The following MYBPC1 variants were observed in gnomAD, a reference collection of about 807,000 sequenced individuals.
The protein encoded by MYBPC1 is myosin-binding protein C, slow-type.
In MYBPC1, 52 loss-of-function variants were observed where a neutral mutation model predicts 147.1. The observed-to-expected ratio is 0.35, with a 90% CI of 0.28 to 0.45. The LOEUF (loss-of-function observed/expected upper bound fraction) is 0.45. MYBPC1 is among the 20% of genes least tolerant of loss of function. MYBPC1 has a pLI of 1.00. For synonymous variants in MYBPC1, 477 were observed against 475.9 expected (o/e 1.00, Z -0.03); for missense variants, 1,228 against 1,440.3 (o/e 0.85, Z 2.39).
intron 14 of MYBPC1, 137 bp downstream of exon 14, chr12:101,648,287 T>C (rs1279199781): frequency 4.8e-6 from 3 of 623,900 alleles, no homozygotes; most frequent in Non-Finnish European, 8.6e-6. Flanking sequence ...GTAGAGATGA[T>C]AAATAAAAGT....
chr12:101,646,881 G>C lies in MYBPC1; in HGVS notation c.1084G>C (p.Val362Leu), dbSNP rs190129005. 6.2e-7 allele frequency: 1 copy of C among 1,614,080 alleles called. No homozygotes were observed. ...TGAGAAATGTTCCACTGAGCTCTTCGTAAGAGGTAAAAATGAAATCTCTTA... is the reference window on the plus strand; with the variant it reads ...TGAGAAATGTTCCACTGAGCTCTTCCTAAGAGGTAAAAATGAAATCTCTTA... The part of the protein sequence containing the change: ...GDEKCSTELF[V>L]REPPIMVTKQ... Residue 362 changes from valine to leucine, a missense_variant, in exon 13 of 32, where the codon GTA becomes CTA. By Grantham distance (32) the Val-to-Leu change is conservative. Around this residue, in one of 2 missense-constraint regions of MYBPC1, gnomAD observed 1,077 missense variants for 1,314.2 expected, o/e 0.82. Transcript: ENST00000361466.
intron 22 of MYBPC1, among the ~76,000 whole-genome samples, chr12:101,666,052 GTCA>G (rs149858574): frequency 0.027 from 4,136 of 152,230 alleles, 196 homozygotes; most frequent in African/African-American, 0.093. Context: ...TACTGAGAAA[GTCA>G]TCATCCCAAA....
intron 1 of MYBPC1, among the ~76,000 whole-genome samples, chr12:101,598,869 ACTGTGCCTG>A (rs1878607850): frequency 6.6e-6 from 1 of 152,230 alleles, no homozygotes; most frequent in Non-Finnish European, 1.5e-5. Context: ...GGTGTGAGCC[ACTGTGCCTG>A]GCCTATTAAC....
chr12:101,669,591 C>A (rs905530707), intron 23 of MYBPC1, among the ~76,000 whole-genome samples: 5 of 152,198 alleles, frequency 3.3e-5, no homozygotes, highest in Admixed American at 1.3e-4. Context: ...TAATGTGGTG[C>A]CTATAGATCT....
intron 10 of MYBPC1, among the ~76,000 whole-genome samples, chr12:101,641,241 G>A (rs139233599): frequency 7.0e-4 from 106 of 151,960 alleles, no homozygotes; most frequent in African/African-American, 2.3e-3. Flanking sequence ...TATATAAGAT[G>A]TTTGACCAGT....
downstream of MYBPC1, among the ~76,000 whole-genome samples, chr12:101,689,768 C>A (rs1951391067): frequency 6.6e-6 from 1 of 152,200 alleles, no homozygotes. Context: ...AGCCAGAGAG[C>A]TCAGAGTGGT....
chr12:101,657,441 G>A (rs1360724778), intron 18 of MYBPC1, among the ~76,000 whole-genome samples: 3 of 152,272 alleles, frequency 2.0e-5, no homozygotes, highest in South Asian at 2.1e-4. Context: ...TCAATAAAAC[G>A]TATAACCCTC....
rs57175970 is a variant in MYBPC1, at chr12:101,624,683, ATTTTTTT to A, written c.104-2169_104-2163del. 7.2e-4 allele frequency among the ~76,000 whole-genome samples: 71 copies of A among 99,106 alleles called. 2 individuals carry two copies. The highest frequency in any genetic ancestry group is 2.3e-3 in the Admixed American group (20 of 8,728). The allele number at this position is 99,106 out of a possible 152,430, so 65.0% of individuals were successfully genotyped here. ...AATAATATACAAGCCCGGCTAATTA[ATTTTTTT>A]TTTTTTTTTTTTTTTTTTTACGGAG... On this transcript the variant is annotated intron_variant, in intron 3 of 31. Coordinates refer to ENST00000361466, the MANE Select transcript of MYBPC1 (RefSeq NM_002465.4).
intron 18 of MYBPC1, among the ~76,000 whole-genome samples, chr12:101,654,823 C>T (rs1895245259): frequency 6.6e-6 from 1 of 152,152 alleles, no homozygotes; most frequent in African/African-American, 2.4e-5. Flanking sequence ...CTCAGGAAAG[C>T]CTTGCCTTGG....
chr12:101,627,255 T>C (rs1379127766), intron 4 of MYBPC1, among the ~76,000 whole-genome samples: 1 of 152,188 alleles, frequency 6.6e-6, no homozygotes, highest in Admixed American at 6.5e-5. Flanking sequence ...TTTTCTTTTC[T>C]TTTTTGAGAC....
At chr12:101,626,800 A>G (rs1351096482) in intron 3 of MYBPC1, 72 bp from the exon 4 acceptor site, 1 of 1,282,722 alleles carries the variant, frequency 7.8e-7, no homozygotes, top group Non-Finnish European at 1.1e-6. Flanking sequence ...TCTTTTTCAG[A>G]TTTCTCTTTT....
chr12:101,611,305 T>C (rs1024386042), intron 1 of MYBPC1, among the ~76,000 whole-genome samples: 1 of 152,254 alleles, frequency 6.6e-6, no homozygotes, highest in Admixed American at 6.5e-5. Context: ...TAAATTATCA[T>C]TTTGATTTTT....
In MYBPC1 at chr12:101,626,890, C is replaced by T. The variant is rs147007629; in HGVS notation, c.122C>T (p.Pro41Leu). 3.3e-5 allele frequency: 54 copies of T among 1,612,696 alleles called. No homozygotes were observed. The East Asian group carries it at 7.6e-4, about 23-fold the overall frequency. ...TPAKDEEEVS[P>L]PSALPPGLGS... Reference sequence around the variant, plus strand: ...GTTTCAGATGAAGAGGAAGTCTCCCCGCCTAGCGCCTTGCCTCCAGGTTGG... The same window carrying T: ...GTTTCAGATGAAGAGGAAGTCTCCCTGCCTAGCGCCTTGCCTCCAGGTTGG... Residue 41 changes from proline (P) to leucine (L), a missense_variant, in exon 4 of 32, where the codon CCG becomes CTG. Physicochemically the swap from Pro to Leu is moderately conservative, Grantham distance 98 (BLOSUM62 -3). This residue lies in a region of MYBPC1 where 151 missense variants were observed against 126.1 expected (regional missense o/e 1.20). Transcript: ENST00000361466.
chr12:101,656,577 A>G (rs1328181277), intron 18 of MYBPC1, among the ~76,000 whole-genome samples: 2 of 152,216 alleles, frequency 1.3e-5, no homozygotes, highest in Non-Finnish European at 2.9e-5. Flanking sequence ...CAGACTACAA[A>G]GCGAAGAAAT....
intron 1 of MYBPC1, among the ~76,000 whole-genome samples, chr12:101,598,778 C>T (rs1878551470): frequency 6.6e-6 from 1 of 151,982 alleles, no homozygotes; most frequent in Non-Finnish European, 1.5e-5. Context: ...ATGGGGGCCT[C>T]ACAATATTGC....
intron 30 of MYBPC1, among the ~76,000 whole-genome samples, chr12:101,683,548 C>T (rs185938557): frequency 6.6e-6 from 1 of 152,150 alleles, no homozygotes; most frequent in Non-Finnish European, 1.5e-5. Flanking sequence ...TTCATGGGGA[C>T]TCAAATTATT....
chr12:101,666,494 A>C, intron 22 of MYBPC1: 1 of 452,700 alleles, frequency 2.2e-6, no homozygotes. Context: ...CCTCTTCTCT[A>C]TTCTTTTCTT....
At chr12:101,693,808 T>C in the MYBPC1 span, among the ~76,000 whole-genome samples, 1 of 152,196 alleles carries the variant, frequency 6.6e-6, no homozygotes, top group Non-Finnish European at 1.5e-5. Flanking sequence ...TGGCTAAAGA[T>C]TGCATTTGCA....
rs1326863155 is a variant in MYBPC1, at chr12:101,642,681, G to A, written c.832+96G>A. The A allele has an allele frequency of 7.8e-6, 11 of 1,416,600 alleles. No homozygotes were observed. The Admixed American group carries it at 1.8e-4, about 23-fold the overall frequency. The allele number at this position is 1,416,600 out of a possible 1,614,324, so 87.8% of individuals were successfully genotyped here. ...CATCCCGAGCTCCTTCCAGTCTCCC[G>A]CGGGGTTGGGAGTGGGGCTGGGTAG... On this transcript the variant is annotated intron_variant, in intron 11 of 31. Transcript: ENST00000361466.
Sources: allele counts gnomAD v4.1 joint callset (sites outside exome capture counted in the v4.1 genomes callset), GRCh38; gene constraint gnomAD v4.1.1; regional missense constraint gnomAD v4.1.1; transcripts MANE v1.5; gene names NCBI Gene and HGNC (gene_info 2026-07-23, HGNC 2026-07-21).